ATRNL1: variants seen among roughly 807,000 people sequenced by gnomAD.
ATRNL1 encodes the protein attractin-like protein 1.
ATRNL1 carries 95 observed loss-of-function variants against 182.7 expected under a neutral mutation model. The observed-to-expected ratio is 0.52, with a 90% CI of 0.44 to 0.62. The LOEUF is 0.62. ATRNL1 is among the 20% of genes least tolerant of loss of function. ATRNL1 has a pLI of 0.00. For synonymous variants in ATRNL1, 576 were observed against 568.3 expected, an observed-to-expected ratio of 1.01 and a Z score of -0.19; for missense variants, 1,471 against 1,679.5, an observed-to-expected ratio of 0.88 and a Z score of 2.17.
chr10:115,116,944 C>T lies in ATRNL1; in HGVS notation c.294-3241C>T, dbSNP rs938796782. Among the ~76,000 whole-genome samples the T allele has an allele frequency of 4.6e-5, 7 of 152,044 alleles. No homozygotes were observed. In the South Asian group the frequency reaches 1.5e-3, roughly 32 times the overall value. ...ACAGGGTGTGTAGTTTTCAGGTACT[C>T]CTATTGTTTAGCTTAGGTAGGGAGG... On this transcript the variant is annotated intron_variant, in intron 1 of 28. Coordinates refer to ENST00000355044, the MANE Select transcript of ATRNL1 (RefSeq NM_207303.4).
intron 25 of ATRNL1, among the ~76,000 whole-genome samples, chr10:115,543,543 G>A (rs997161452): frequency 1.3e-5 from 2 of 151,852 alleles, no homozygotes; most frequent in Non-Finnish European, 2.9e-5. Context: ...TTTAAAATAT[G>A]TACTTAAGAC....
chr10:115,406,462 T>G (rs1253214995), intron 20 of ATRNL1, among the ~76,000 whole-genome samples: 1 of 152,214 alleles, frequency 6.6e-6, no homozygotes, highest in Non-Finnish European at 1.5e-5. Context: ...GTGATTATAT[T>G]AAATTATACC....
intron 7 of ATRNL1, 51 bp downstream of exon 7, chr10:115,165,696 A>T: frequency 1.0e-6 from 1 of 1,001,630 alleles, no homozygotes; most frequent in South Asian, 1.9e-5. Context: ...TTGATAGTTT[A>T]CCACAGGCTA....
chr10:115,777,513 G>A (rs1280854543), intron 27 of ATRNL1, among the ~76,000 whole-genome samples: 2 of 152,052 alleles, frequency 1.3e-5, no homozygotes, highest in Non-Finnish European at 1.5e-5. Flanking sequence ...TAATAATCCT[G>A]TAGCACTAAG....
At chr10:115,639,043 A>C (rs533680906) in intron 26 of ATRNL1, among the ~76,000 whole-genome samples, 53 of 152,328 alleles carry the variant, frequency 3.5e-4, no homozygotes, top group African/African-American at 1.3e-3. Context: ...TACAGGTCCA[A>C]GAAGACAATT....
In ATRNL1 at chr10:115,171,076, G is replaced by A. The variant is rs868925569; in HGVS notation, c.1132G>A (p.Asp378Asn). The change falls in exon 8 of 29, where the codon GAT becomes AAT. Residue 378 changes from aspartate (D) to asparagine (N), a missense_variant. Physicochemically the swap from Asp to Asn is conservative, Grantham distance 23 (BLOSUM62 1). Transcript: ENST00000355044. ...FMYGGRIETN[D>N]GNVTDELWVF... The stretch of plus-strand genomic sequence containing the variant: ...GTATGGAGGCAGAATTGAAACAAAT[G>A]ATGGCAATGTCACAGATGAATTATG... 6.3e-7 allele frequency: 1 copy of A among 1,580,784 alleles called. No individual in the cohort carries two copies. The highest frequency in any genetic ancestry group is 1.2e-5 in the South Asian group (1 of 84,600).
At chr10:115,362,152 T>C (rs570535395) in intron 19 of ATRNL1, among the ~76,000 whole-genome samples, 3 of 152,178 alleles carry the variant, frequency 2.0e-5, no homozygotes, top group East Asian at 1.9e-4. Flanking sequence ...GTTGTAAATC[T>C]AGGGCTTTTT....
At chr10:115,915,492 TG>T (rs1565483967) in intron 28 of ATRNL1, among the ~76,000 whole-genome samples, 1 of 152,150 alleles carries the variant, frequency 6.6e-6, no homozygotes. Context: ...GTTGGAACTT[TG>T]ATTCTAGTTG....
chr10:115,209,610 C>T (rs868908807), intron 8 of ATRNL1, among the ~76,000 whole-genome samples: 2 of 151,086 alleles, frequency 1.3e-5, no homozygotes, highest in Middle Eastern at 3.4e-3. Context: ...CATTAATGAC[C>T]TACTTTTGAA....
chr10:115,507,683 G>A (rs190571630), intron 24 of ATRNL1, among the ~76,000 whole-genome samples: 3 of 152,196 alleles, frequency 2.0e-5, no homozygotes, highest in Non-Finnish European at 2.9e-5. Flanking sequence ...TGTACGAAAA[G>A]TAATTAGCAC....
intron 20 of ATRNL1, among the ~76,000 whole-genome samples, chr10:115,414,790 A>G (rs1845310282): frequency 6.6e-6 from 1 of 151,600 alleles, no homozygotes; most frequent in Admixed American, 6.6e-5. Context: ...TATTTTAGAT[A>G]CTCTTTTGAG....
At chr10:115,192,907 TG>T (rs1432826096) in intron 8 of ATRNL1, among the ~76,000 whole-genome samples, 3 of 152,062 alleles carry the variant, frequency 2.0e-5, no homozygotes, top group Non-Finnish European at 2.9e-5. Context: ...ACTGTTTTTT[TG>T]TATCTTGATT....
At chr10:115,803,887 G>A (rs1949857019) in intron 27 of ATRNL1, among the ~76,000 whole-genome samples, 1 of 152,060 alleles carries the variant, frequency 6.6e-6, no homozygotes, top group African/African-American at 2.4e-5. Flanking sequence ...TCATGGCCTG[G>A]CCAATACGCA....
intron 26 of ATRNL1, among the ~76,000 whole-genome samples, chr10:115,630,347 A>G (rs1555025897): frequency 2.0e-5 from 3 of 152,108 alleles, no homozygotes; most frequent in African/African-American, 7.2e-5. Context: ...CCTGTTATCA[A>G]AAAATAAAAA....
intron 25 of ATRNL1, among the ~76,000 whole-genome samples, chr10:115,540,596 C>A (rs942017033): frequency 3.3e-5 from 5 of 151,812 alleles, no homozygotes; most frequent in Non-Finnish European, 7.4e-5. Flanking sequence ...CCCATCTCTA[C>A]TAAAAATACA....
chr10:115,413,221 G>A (rs1199924534), intron 20 of ATRNL1, among the ~76,000 whole-genome samples: 2 of 152,042 alleles, frequency 1.3e-5, no homozygotes, highest in Admixed American at 1.3e-4. Context: ...TCCCATGAGT[G>A]GTGACTCTGC....
chr10:115,827,727 T>G (rs1163262609), intron 27 of ATRNL1, among the ~76,000 whole-genome samples: 2 of 152,180 alleles, frequency 1.3e-5, no homozygotes, highest in African/African-American at 4.8e-5. Flanking sequence ...ATGCCACATG[T>G]TGGCATAGGT....
intron 13 of ATRNL1, among the ~76,000 whole-genome samples, chr10:115,273,054 C>G (rs1410728217): frequency 1.3e-5 from 2 of 152,178 alleles, no homozygotes; most frequent in African/African-American, 2.4e-5. Context: ...GCTGTATCAA[C>G]CTTCCTCCAG....
At chr10:115,443,319 G>C (rs1846789899) in intron 21 of ATRNL1, among the ~76,000 whole-genome samples, 1 of 151,816 alleles carries the variant, frequency 6.6e-6, no homozygotes, top group Non-Finnish European at 1.5e-5. Context: ...ATTAGCATTT[G>C]CCTGATGTGT....
Sources: allele counts gnomAD v4.1 joint callset (sites outside exome capture counted in the v4.1 genomes callset), GRCh38; gene constraint gnomAD v4.1.1; transcripts MANE v1.5; gene names NCBI Gene and HGNC (gene_info 2026-07-23, HGNC 2026-07-21).